The following SMYD3 variants were observed in gnomAD, a reference collection of about 807,000 sequenced individuals.
The protein encoded by SMYD3 is SET and MYND domain containing 3.
A neutral mutation model predicts 57.7 loss-of-function variants in SMYD3; 36 were observed. The observed-to-expected ratio is 0.62, with a 90% confidence interval of 0.48 to 0.82. SMYD3 has a LOEUF of 0.82. Ranked by LOEUF, SMYD3 falls within the 40% of genes least tolerant of loss-of-function variation. The pLI is 0.00. For missense variants in SMYD3, 515 were observed against 538.8 expected (o/e 0.96, Z 0.44); for synonymous variants, 211 against 195.0 (o/e 1.08, Z -0.68).
chr1:245,762,548 A>ACT (rs1335963357), intron 11 of SMYD3, among the ~76,000 whole-genome samples: 10 of 152,200 alleles, frequency 6.6e-5, no homozygotes, highest in Admixed American at 1.3e-4. Flanking sequence ...TGAGGCTGCA[A>ACT]CAGACGGTGC....
intron 10 of SMYD3, among the ~76,000 whole-genome samples, chr1:245,781,263 T>C (rs938506152): frequency 5.9e-5 from 9 of 152,202 alleles, no homozygotes; most frequent in African/African-American, 1.9e-4. Context: ...AATAAAGCTG[T>C]TAAAAATTAA....
At chr1:245,899,138 A>G (rs2054020840) in intron 8 of SMYD3, among the ~76,000 whole-genome samples, 1 of 152,226 alleles carries the variant, frequency 6.6e-6, no homozygotes, top group South Asian at 2.1e-4. Flanking sequence ...GGTTCCAAGA[A>G]AAGCAGAAAA....
intron 5 of SMYD3, among the ~76,000 whole-genome samples, chr1:246,155,276 AT>A (rs2062005598): frequency 1.3e-5 from 2 of 152,212 alleles, no homozygotes; most frequent in Admixed American, 1.3e-4. Flanking sequence ...AGAAAAAAAT[AT>A]TGCTTAATCT....
At chr1:245,978,214 T>A (rs61839407) in intron 5 of SMYD3, among the ~76,000 whole-genome samples, 2 of 152,146 alleles carry the variant, frequency 1.3e-5, no homozygotes, top group Admixed American at 6.5e-5. Context: ...CTACTATTTA[T>A]GCTGGGAGGC....
chr1:246,182,007 CAAAG>C (rs577634256), intron 5 of SMYD3, among the ~76,000 whole-genome samples: 1 of 152,266 alleles, frequency 6.6e-6, no homozygotes, highest in African/African-American at 2.4e-5. Context: ...TTGAAATCTT[CAAAG>C]AAAGAGCACT....
intron 8 of SMYD3, among the ~76,000 whole-genome samples, chr1:245,865,868 T>C (rs1014891175): frequency 1.3e-5 from 2 of 152,190 alleles, no homozygotes; most frequent in Non-Finnish European, 2.9e-5. Flanking sequence ...AGGTGGCTAG[T>C]CAAAGGGTAA....
intron 1 of SMYD3, among the ~76,000 whole-genome samples, chr1:246,435,011 G>A (rs76160858): frequency 0.065 from 9,863 of 152,162 alleles, 627 homozygotes; most frequent in East Asian, 0.31. Flanking sequence ...TGTCCTTTGC[G>A]GCAACATGGA....
intron 10 of SMYD3, among the ~76,000 whole-genome samples, chr1:245,824,675 G>A (rs564327499): frequency 6.6e-6 from 1 of 152,152 alleles, no homozygotes; most frequent in African/African-American, 2.4e-5. Flanking sequence ...GATCAACATG[G>A]AGAAACCCTG....
intron 2 of SMYD3, among the ~76,000 whole-genome samples, chr1:246,352,822 T>C (rs952786858): frequency 6.6e-6 from 1 of 152,096 alleles, no homozygotes; most frequent in Non-Finnish European, 1.5e-5. Context: ...AGAGGAAAAA[T>C]AGTCACAAAA....
intron 10 of SMYD3, among the ~76,000 whole-genome samples, chr1:245,804,411 T>C (rs999009603): frequency 6.6e-6 from 1 of 151,712 alleles, no homozygotes; most frequent in East Asian, 2.0e-4. Flanking sequence ...TGAAACCCCA[T>C]CTCTACTAAA....
chr1:245,954,085 T>G (rs138598474), intron 5 of SMYD3, among the ~76,000 whole-genome samples: 198 of 152,344 alleles, frequency 1.3e-3, no homozygotes, highest in Middle Eastern at 3.4e-3. Flanking sequence ...CTTTTCCACA[T>G]TAACTCACTG....
chr1:246,313,250 G>A (rs2065107203), intron 5 of SMYD3, among the ~76,000 whole-genome samples: 1 of 152,088 alleles, frequency 6.6e-6, no homozygotes, highest in Non-Finnish European at 1.5e-5. Context: ...TGGGAAACAA[G>A]AAAACCCACA....
intron 5 of SMYD3, among the ~76,000 whole-genome samples, chr1:246,068,119 G>C (rs2060377071): frequency 6.6e-6 from 1 of 152,150 alleles, no homozygotes; most frequent in African/African-American, 2.4e-5. Context: ...GGTTAATTAA[G>C]TGATTTTCAT....
intron 1 of SMYD3, among the ~76,000 whole-genome samples, chr1:246,503,426 A>G (rs1340188501): frequency 2.6e-5 from 4 of 152,242 alleles, no homozygotes; most frequent in Non-Finnish European, 5.9e-5. Flanking sequence ...CAAGTTCCCC[A>G]AAATATTAAT....
At chr1:245,953,764 C>A (rs1455867275) in intron 5 of SMYD3, among the ~76,000 whole-genome samples, 3 of 152,124 alleles carry the variant, frequency 2.0e-5, no homozygotes, top group Non-Finnish European at 4.4e-5. Context: ...ACAACAAAAA[C>A]CCCACATGTA....
intron 5 of SMYD3, among the ~76,000 whole-genome samples, chr1:246,070,259 T>G (rs1439551677): frequency 1.3e-5 from 2 of 152,162 alleles, no homozygotes; most frequent in Admixed American, 1.3e-4. Flanking sequence ...TTCATCTTAC[T>G]TTTATGGATG....
chr1:246,344,202 A>G (rs897437442), intron 2 of SMYD3, among the ~76,000 whole-genome samples: 2 of 152,120 alleles, frequency 1.3e-5, no homozygotes, highest in Non-Finnish European at 2.9e-5. Context: ...TATGACACAT[A>G]TATCTCCATA....
At chr1:246,248,479 C>T (rs10924619) in intron 5 of SMYD3, among the ~76,000 whole-genome samples, 31,419 of 151,696 alleles carry the variant, frequency 0.21, 3,957 homozygotes, top group East Asian at 0.58. Flanking sequence ...TATCAATTAC[C>T]GGTCAGTATG....
intron 1 of SMYD3, among the ~76,000 whole-genome samples, chr1:246,357,305 T>C (rs2065922902): frequency 1.3e-5 from 2 of 152,078 alleles, no homozygotes; most frequent in Non-Finnish European, 2.9e-5. Context: ...AAAACCAAGA[T>C]AGTGATAAGA....
Sources: allele counts gnomAD v4.1 joint callset (sites outside exome capture counted in the v4.1 genomes callset), GRCh38; gene constraint gnomAD v4.1.1; transcripts MANE v1.5; gene names NCBI Gene and HGNC (gene_info 2026-07-23, HGNC 2026-07-21).